ANXA13: variants seen among roughly 807,000 people sequenced by gnomAD.
ANXA13 encodes annexin XIII.
ANXA13 carries 36 observed loss-of-function variants against 46.6 expected under a neutral mutation model. The ratio of observed to expected loss-of-function variants is 0.77; its 90% CI spans 0.59 to 1.02. ANXA13 has a LOEUF of 1.02. ANXA13 is among the 50% of genes least tolerant of loss of function. The pLI is 0.00. For synonymous variants in ANXA13, 163 were observed against 152.9 expected, an observed-to-expected ratio of 1.07 and a Z score of -0.49; for missense variants, 417 against 396.5, an observed-to-expected ratio of 1.05 and a Z score of -0.44.
chr8:123,718,530 A>T (rs1241081383), intron 1 of ANXA13, among the ~76,000 whole-genome samples: 1 of 152,192 alleles, frequency 6.6e-6, no homozygotes, highest in African/African-American at 2.4e-5. Flanking sequence ...GCTGGCCATC[A>T]TGCCTGGACC....
At chr8:123,724,753 T>G (rs924665067) in intron 1 of ANXA13, among the ~76,000 whole-genome samples, 1 of 152,244 alleles carries the variant, frequency 6.6e-6, no homozygotes, top group African/African-American at 2.4e-5. Flanking sequence ...ACTCTTCTGA[T>G]TAAGTCTTTG....
Position 123,701,395 on chromosome 8 carries a change from G to A in ANXA13, c.186+1247C>T, listed in dbSNP as rs1487246074. ...TGAGGCAGGAGAATCGCTTGAACCC[G>A]GGAGGCAGAGGTTACAGTGAGCCAA... On this transcript the variant is annotated intron_variant, in intron 3 of 10. Transcript: ENST00000419625. Among the ~76,000 whole-genome samples the A allele has an allele frequency of 7.2e-5, 11 of 152,198 alleles. No individual in the cohort carries two copies. The East Asian group carries it at 7.8e-4, about 11-fold the overall frequency.
At chr8:123,683,164 G>A (rs2129812760) in intron 10 of ANXA13, among the ~76,000 whole-genome samples, 1 of 152,206 alleles carries the variant, frequency 6.6e-6, no homozygotes. Context: ...CAGAGGCATG[G>A]CAGGAGCAGA....
intron 2 of ANXA13, among the ~76,000 whole-genome samples, chr8:123,704,346 C>T (rs1183005605): frequency 6.6e-6 from 1 of 152,128 alleles, no homozygotes. Context: ...AATGCAGCAC[C>T]TCTTCTCGGT....
intron 1 of ANXA13, among the ~76,000 whole-genome samples, chr8:123,720,301 G>T (rs1485237781): frequency 2.0e-5 from 3 of 152,158 alleles, no homozygotes; most frequent in African/African-American, 7.2e-5. Context: ...TTAGAACCAG[G>T]TAGTTTTGCC....
At chr8:123,699,086 C>T (rs1449193252) in intron 3 of ANXA13, among the ~76,000 whole-genome samples, 6 of 152,188 alleles carry the variant, frequency 3.9e-5, no homozygotes, top group South Asian at 4.1e-4. Flanking sequence ...CGGCCTGTAC[C>T]GTCACTTCCG....
At chr8:123,696,501 G>A (rs1813338869) in intron 4 of ANXA13, among the ~76,000 whole-genome samples, 1 of 152,148 alleles carries the variant, frequency 6.6e-6, no homozygotes, top group Admixed American at 6.5e-5. Flanking sequence ...CACCTCAGGA[G>A]CTGCCTCAGT....
intron 8 of ANXA13, among the ~76,000 whole-genome samples, chr8:123,691,228 A>G (rs1024205337): frequency 2.6e-5 from 4 of 152,196 alleles, no homozygotes; most frequent in African/African-American, 9.7e-5. Context: ...CAGTGATCTC[A>G]GACTAGCATC....
intron 10 of ANXA13, among the ~76,000 whole-genome samples, 191 bp from the exon 11 acceptor site, chr8:123,681,550 A>G (rs568504159): frequency 6.6e-6 from 1 of 152,026 alleles, no homozygotes; most frequent in Admixed American, 6.5e-5. Flanking sequence ...AAGGGAAGGC[A>G]GAGGTCAATT....
At chr8:123,725,212 T>C (rs1375873507) in intron 1 of ANXA13, among the ~76,000 whole-genome samples, 1 of 152,226 alleles carries the variant, frequency 6.6e-6, no homozygotes, top group Non-Finnish European at 1.5e-5. Context: ...AAAAAGTGCG[T>C]ATTTAAAAAT....
Position 123,722,960 on chromosome 8 carries a change from G to A in ANXA13, c.16-10207C>T, listed in dbSNP as rs78664888. ...TCATAGCTAAAAGACTACAGTGTAC[G>A]AGGGGGCTGAATTTTAGCAGACACA... On this transcript the variant is annotated intron_variant, in intron 1 of 10. Transcript: ENST00000419625. 8.5e-4 allele frequency among the ~76,000 whole-genome samples: 129 copies of A among 152,318 alleles called. No homozygotes were observed. The East Asian group carries it at 0.023, about 27-fold the overall frequency.
chr8:123,695,378 C>T (rs1213954127), intron 6 of ANXA13, 124 bp downstream of exon 6: 2 of 742,242 alleles, frequency 2.7e-6, no homozygotes, highest in Non-Finnish European at 4.5e-6. Context: ...GTTGATAATC[C>T]CTTGATAATA....
chr8:123,715,272 T>G (rs1813739507), intron 1 of ANXA13, among the ~76,000 whole-genome samples: 1 of 152,238 alleles, frequency 6.6e-6, no homozygotes, highest in Non-Finnish European at 1.5e-5. Flanking sequence ...TGGGGCCCTA[T>G]GCAGTTGCAG....
chr8:123,684,293 T>C (rs1452640935), intron 10 of ANXA13, among the ~76,000 whole-genome samples: 1 of 152,222 alleles, frequency 6.6e-6, no homozygotes, highest in African/African-American at 2.4e-5. Flanking sequence ...GTGTGTTTGT[T>C]TTGTCTTCCT....
At chr8:123,701,936 C>T (rs1349532299) in intron 3 of ANXA13, among the ~76,000 whole-genome samples, 3 of 152,140 alleles carry the variant, frequency 2.0e-5, no homozygotes, top group African/African-American at 7.2e-5. Context: ...TTGTTACCTG[C>T]TCAGTATCAA....
chr8:123,718,610 C>G (rs1018847859), intron 1 of ANXA13, among the ~76,000 whole-genome samples: 1 of 152,208 alleles, frequency 6.6e-6, no homozygotes, highest in Admixed American at 6.5e-5. Context: ...AACAAGGCAG[C>G]ACTGGTGCTG....
Position 123,684,638 on chromosome 8 carries a change from A to G in ANXA13, c.803T>C (p.Leu268Ser). Residue 268 changes from leucine to serine, a missense_variant, in exon 10 of 11, where the codon TTG becomes TCG. Physicochemically the swap from Leu to Ser is moderately radical, Grantham distance 145. Transcript: ENST00000419625. ...GGCCCTGGTCACGACTATGCGAATC[A>G]ACGTCTCCTCATCGGTCCCCGCACC... is the stretch of plus-strand genomic sequence containing the variant. ...MKGAGTDEET[L>S]IRIVVTRAEV... is the part of the protein sequence containing the mutation. 1 of 1,614,090 alleles carries G rather than the reference A, an allele frequency of 6.2e-7. No individual in the cohort carries two copies. Among genetic ancestry groups the G allele is most frequent in the South Asian group, 1.1e-5 (1 of 91,084 alleles).
intron 7 of ANXA13, 52 bp from the exon 8 acceptor site, chr8:123,693,350 TTA>T: frequency 6.6e-7 from 1 of 1,522,850 alleles, no homozygotes; most frequent in Non-Finnish European, 9.1e-7. Context: ...AAAAGACTGA[TTA>T]TGCAGTGCTG....
chr8:123,727,317 G>A (rs1814020194), intron 1 of ANXA13, among the ~76,000 whole-genome samples: 1 of 152,304 alleles, frequency 6.6e-6, no homozygotes, highest in East Asian at 1.9e-4. Context: ...CAATCTTCAG[G>A]AGAAGCTGAC....
Sources: allele counts gnomAD v4.1 joint callset (sites outside exome capture counted in the v4.1 genomes callset), GRCh38; gene constraint gnomAD v4.1.1; transcripts MANE v1.5; gene names NCBI Gene and HGNC (gene_info 2026-07-23, HGNC 2026-07-21).